The following OPRM1 variants were observed in gnomAD, a reference collection of about 807,000 sequenced individuals.
OPRM1 encodes the protein opioid receptor mu 1, also known as mu-type opioid receptor.
Under a neutral mutation model 31.8 loss-of-function variants are expected in OPRM1, and 27 were observed. The ratio of observed to expected loss-of-function variants is 0.85; its 90% CI spans 0.63 to 1.17. The LOEUF (loss-of-function observed/expected upper bound fraction) is 1.17, where lower values mean the gene tolerates loss of function less well. Among genes scored for constraint, OPRM1 ranks in the 50% most tolerant of loss-of-function variants. OPRM1 has a pLI of 0.00. For missense variants in OPRM1, 536 were observed against 511.1 expected (o/e 1.05, Z -0.47); for synonymous variants, 196 against 189.9 (o/e 1.03, Z -0.26).
In OPRM1 at chr6:154,121,808, G is replaced by A. The variant is rs540810768; in HGVS notation, c.*3087G>A. Among the ~76,000 whole-genome samples, 1 of 152,194 alleles carries A rather than the reference G, an allele frequency of 6.6e-6. No homozygotes were observed. The highest frequency in any genetic ancestry group is 2.4e-5 in the African/African-American group (1 of 41,512). On this transcript the variant is annotated 3_prime_UTR_variant, in exon 4 of 4. Coordinates refer to ENST00000330432, the MANE Select transcript of OPRM1 (RefSeq NM_000914.5). ...CCACATTTATCAAAAAGTCCCCAAA[G>A]CATTCAAAATCTTTACTTAAGTCAA...
intron 3 of OPRM1, among the ~76,000 whole-genome samples, chr6:154,152,988 C>T (rs1159631187): frequency 1.3e-5 from 2 of 152,054 alleles, no homozygotes. Context: ...ATCCTCCCGC[C>T]TCAGCCTCCC....
rs541200326 is a variant in OPRM1 at position 154,066,860 on chromosome 6, A to G, written c.291-22966A>G. Reference sequence around the variant, plus strand: ...TTTTGTTGTTAAAACCACTCAATGTATGGTATTTTATTGTAGTAGCTTAAG... The same window carrying G: ...TTTTGTTGTTAAAACCACTCAATGTGTGGTATTTTATTGTAGTAGCTTAAG... On this transcript the variant is annotated intron_variant, in intron 1 of 3. Transcript: ENST00000330432. Among the ~76,000 whole-genome samples, 3 of 152,244 alleles carry G rather than the reference A, an allele frequency of 2.0e-5. No homozygotes were observed. The East Asian group carries it at 5.8e-4, about 29-fold the overall frequency.
chr6:154,138,822 G>A (rs960243077), intron 3 of OPRM1, among the ~76,000 whole-genome samples: 3 of 152,196 alleles, frequency 2.0e-5, no homozygotes, highest in Non-Finnish European at 2.9e-5. Flanking sequence ...TCACGTAGCC[G>A]GAGGCTACAA....
intron 3 of OPRM1, chr6:154,212,971 T>C: frequency 4.1e-6 from 3 of 735,030 alleles, no homozygotes; most frequent in Non-Finnish European, 4.7e-6. Flanking sequence ...TTCAGAAAGT[T>C]CATATCTAAT....
At chr6:154,143,473 G>C (rs185453189) in intron 3 of OPRM1, among the ~76,000 whole-genome samples, 1 of 152,344 alleles carries the variant, frequency 6.6e-6, no homozygotes, top group Non-Finnish European at 1.5e-5. Flanking sequence ...GGACAAGAAA[G>C]ATAGACAGGA....
rs1797195560 is a variant in OPRM1, at chr6:154,119,642, C to T, written c.*921C>T. Among the ~76,000 whole-genome samples the T allele has an allele frequency of 6.6e-6, 1 of 152,118 alleles. No homozygotes were observed. Among genetic ancestry groups the T allele is most frequent in the Non-Finnish European group, 1.5e-5 (1 of 68,014 alleles). Reference sequence around the variant, plus strand: ...TTCTTTTTTTAACTCAGCTCAGAATCCTTATGCCTTTTGAATCAGTGTGAT... The same window carrying T: ...TTCTTTTTTTAACTCAGCTCAGAATTCTTATGCCTTTTGAATCAGTGTGAT... On this transcript the variant is annotated 3_prime_UTR_variant, in exon 4 of 4. Coordinates refer to ENST00000330432, the MANE Select transcript of OPRM1 (RefSeq NM_000914.5).
At chr6:154,068,173 T>C (rs2128448089) in intron 1 of OPRM1, among the ~76,000 whole-genome samples, 1 of 152,312 alleles carries the variant, frequency 6.6e-6, no homozygotes, top group African/African-American at 2.4e-5. Flanking sequence ...TATTTTGAAG[T>C]ATACATGCAT....
intron 1 of OPRM1, among the ~76,000 whole-genome samples, chr6:154,061,045 C>G (rs1337163682): frequency 6.6e-6 from 1 of 152,112 alleles, no homozygotes; most frequent in Admixed American, 6.5e-5. Flanking sequence ...ACATATTTAA[C>G]AGTGGTGTAT....
intron 3 of OPRM1, among the ~76,000 whole-genome samples, chr6:154,180,388 A>C (rs1800739976): frequency 1.7e-5 from 1 of 58,900 alleles, no homozygotes; most frequent in Middle Eastern, 7.8e-3. Context: ...AACAACAACT[A>C]TATATATATA....
chr6:154,134,299 G>A (rs148743460), downstream of OPRM1, among the ~76,000 whole-genome samples: 1 of 152,306 alleles, frequency 6.6e-6, no homozygotes, highest in East Asian at 1.9e-4. Context: ...GGCTTTGCAG[G>A]AGAGAGACCT....
At chr6:154,088,053 A>G (rs1274438468) in intron 1 of OPRM1, among the ~76,000 whole-genome samples, 1 of 152,006 alleles carries the variant, frequency 6.6e-6, no homozygotes, top group Non-Finnish European at 1.5e-5. Context: ...CAAAAGTTGT[A>G]TGCAACTCAG....
rs186460681 is a variant in OPRM1 at position 154,124,645 on chromosome 6, C to T, written c.*5924C>T. On this transcript the variant is annotated 3_prime_UTR_variant, in exon 4 of 4. Transcript: ENST00000330432. Reference sequence around the variant, plus strand: ...TGCATCAAAAAGTACTTCATATGCTCGAAACTAAAGTAAAACTTTATTGAA... The same window carrying T: ...TGCATCAAAAAGTACTTCATATGCTTGAAACTAAAGTAAAACTTTATTGAA... Among the ~76,000 whole-genome samples, 37 of 152,172 alleles carry T rather than the reference C, an allele frequency of 2.4e-4. No homozygotes were observed. The highest frequency in any genetic ancestry group is 4.4e-5 in the Non-Finnish European group (3 of 68,014).
chr6:154,100,039 T>TATTATATATATCATATGATATATATC (rs1794388832), intron 3 of OPRM1, among the ~76,000 whole-genome samples: 1 of 84,960 alleles, frequency 1.2e-5, no homozygotes, highest in Non-Finnish European at 2.4e-5. Context: ...TATATTATCA[T>TATTATATATATCATATGATATATATC]ATGATATATA....
At chr6:154,179,453 G>A (rs374181688) in intron 3 of OPRM1, among the ~76,000 whole-genome samples, 5 of 152,214 alleles carry the variant, frequency 3.3e-5, no homozygotes, top group Admixed American at 2.6e-4. Context: ...AGAGAAGACC[G>A]CTTGTCTCTC....
At chr6:154,213,634 G>T (rs1232447537) in intron 3 of OPRM1, among the ~76,000 whole-genome samples, 1 of 152,134 alleles carries the variant, frequency 6.6e-6, no homozygotes, top group African/African-American at 2.4e-5. Flanking sequence ...ATTTCAGAAA[G>T]ACTATGAGTT....
chr6:154,214,128 T>G, intron 3 of OPRM1: 2 of 856,778 alleles, frequency 2.3e-6, no homozygotes, highest in Admixed American at 3.5e-5. Context: ...AGGATCAGAC[T>G]ATACATAGAA....
rs921686109 is a variant in OPRM1, at chr6:154,130,668, A to G, written c.*11947A>G. On this transcript the variant is annotated 3_prime_UTR_variant, in exon 4 of 4. Coordinates refer to ENST00000330432, the MANE Select transcript of OPRM1 (RefSeq NM_000914.5). ...TTATATACTAATTGTATATCCATAT[A>G]AAAGCATTAGTACCATTATATGAAA... Among the ~76,000 whole-genome samples, 20 of 152,182 alleles carry G rather than the reference A, an allele frequency of 1.3e-4. No homozygotes were observed. The highest frequency in any genetic ancestry group is 3.4e-3 in the Middle Eastern group (1 of 294).
intron 3 of OPRM1, among the ~76,000 whole-genome samples, chr6:154,178,253 C>T (rs1411237005): frequency 5.3e-5 from 8 of 151,888 alleles, no homozygotes; most frequent in South Asian, 4.2e-4. Context: ...CAAACCTGCA[C>T]GTTGTGCACA....
rs1797850702 is a variant in OPRM1 at position 154,130,746 on chromosome 6, A to G, written c.*12025A>G. Among the ~76,000 whole-genome samples the G allele has an allele frequency of 6.6e-6, 1 of 151,996 alleles. No homozygotes were observed. Among genetic ancestry groups the G allele is most frequent in the Non-Finnish European group, 1.5e-5 (1 of 67,986 alleles). ...TCTACCAATATAAATAGAATATATA[A>G]AGGGAATATATATATACCAATATAA... On this transcript the variant is annotated 3_prime_UTR_variant, in exon 4 of 4. Coordinates refer to ENST00000330432, the MANE Select transcript of OPRM1 (RefSeq NM_000914.5).
Sources: gnomAD v4.1 joint callset for allele counts (sites outside exome capture counted in the v4.1 genomes callset) on GRCh38, gnomAD v4.1.1 for gene constraint, MANE v1.5 for transcripts, NCBI Gene and HGNC (gene_info 2026-07-23, HGNC 2026-07-21) for gene names.